Variants in CSMD1 observed in about 807,000 individuals in gnomAD.
CSMD1 encodes CUB and sushi domain-containing protein 1.
A neutral mutation model predicts 417.5 loss-of-function variants in CSMD1; 213 were observed. The ratio of observed to expected loss-of-function variants is 0.51; its 90% confidence interval spans 0.46 to 0.57. The LOEUF (loss-of-function observed/expected upper bound fraction) is 0.57. Among genes scored for constraint, CSMD1 ranks in the 20% least tolerant of loss-of-function variants. The pLI, the probability that CSMD1 is intolerant of heterozygous loss-of-function variation, is 0.00. For missense variants in CSMD1, 6,923 were observed against 4,529.7 expected (o/e 1.53, Z -15.17); for synonymous variants, 2,862 against 1,736.8 (o/e 1.65, Z -16.11).
intron 2 of CSMD1, among the ~76,000 whole-genome samples, chr8:4,461,230 C>A (rs908501371): frequency 6.6e-6 from 1 of 151,908 alleles, no homozygotes; most frequent in Non-Finnish European, 1.5e-5. Flanking sequence ...TGGGGAATTT[C>A]TTCAACCTGA....
chr8:4,833,831 G>C (rs183749537), intron 1 of CSMD1, among the ~76,000 whole-genome samples: 1 of 152,184 alleles, frequency 6.6e-6, no homozygotes, highest in Non-Finnish European at 1.5e-5. Flanking sequence ...CCAATCAATT[G>C]CAAGTTGGCT....
chr8:3,822,979 G>A (rs1585048721), intron 5 of CSMD1, among the ~76,000 whole-genome samples: 3 of 152,054 alleles, frequency 2.0e-5, no homozygotes, highest in Admixed American at 6.6e-5. Context: ...TTAGTATATT[G>A]CCCAGGTTCC....
chr8:3,278,841 G>A (rs904986803), intron 26 of CSMD1: 1 of 152,200 alleles, frequency 6.6e-6, no homozygotes, highest in African/African-American at 2.4e-5. Flanking sequence ...TTCATGGCTG[G>A]ATTCGCCAGT....
chr8:3,208,132 A>G (rs1015734151), intron 30 of CSMD1, among the ~76,000 whole-genome samples: 1 of 152,250 alleles, frequency 6.6e-6, no homozygotes, highest in Non-Finnish European at 1.5e-5. Flanking sequence ...GTCACATACA[A>G]TTCAAACATA....
chr8:4,277,376 C>G (rs1177991845), intron 3 of CSMD1, among the ~76,000 whole-genome samples: 3 of 152,132 alleles, frequency 2.0e-5, no homozygotes, highest in Non-Finnish European at 4.4e-5. Flanking sequence ...ATCTCTGAAT[C>G]TGAAGGTGTC....
chr8:4,712,001 T>G (rs1808332562), intron 1 of CSMD1, among the ~76,000 whole-genome samples: 1 of 152,162 alleles, frequency 6.6e-6, no homozygotes, highest in African/African-American at 2.4e-5. Flanking sequence ...AATATGTGGC[T>G]TCCTAAGAGT....
intron 2 of CSMD1, among the ~76,000 whole-genome samples, chr8:4,578,416 T>C (rs933243163): frequency 6.8e-6 from 1 of 147,234 alleles, no homozygotes; most frequent in Non-Finnish European, 1.5e-5. Flanking sequence ...CCTGATCTCA[T>C]GATTCGCCCA....
chr8:3,616,664 G>C lies in CSMD1; in HGVS notation c.1097+46C>G, dbSNP rs372735626. On this transcript the variant is annotated intron_variant, in intron 8 of 69. Coordinates refer to ENST00000635120, the MANE Select transcript of CSMD1 (RefSeq NM_033225.6). The stretch of plus-strand genomic sequence containing the variant: ...TTAACTGCAAGCTGAAATAATATAT[G>C]TCTTAAAAATAACATGCTTTTTTCC... 138 of 1,213,926 alleles carry C rather than the reference G, an allele frequency of 1.1e-4. No homozygotes were observed. The African/African-American group carries it at 1.8e-3, about 16-fold the overall frequency. 75.2% of individuals were successfully genotyped at this position (1,213,926 alleles called of 1,614,324 possible).
chr8:3,083,934 G>C (rs1277345070), intron 49 of CSMD1, among the ~76,000 whole-genome samples: 1 of 151,758 alleles, frequency 6.6e-6, no homozygotes, highest in Non-Finnish European at 1.5e-5. Context: ...AAGATGCTTG[G>C]AATACAGGTG....
intron 50 of CSMD1, among the ~76,000 whole-genome samples, chr8:3,033,599 G>A (rs1243997911): frequency 6.6e-6 from 1 of 151,880 alleles, no homozygotes; most frequent in Non-Finnish European, 1.5e-5. Flanking sequence ...GGGCCTGTCG[G>A]GAGGTAAGGG....
intron 26 of CSMD1, among the ~76,000 whole-genome samples, chr8:3,252,680 C>T (rs1243982893): frequency 6.6e-6 from 1 of 152,138 alleles, no homozygotes; most frequent in Non-Finnish European, 1.5e-5. Context: ...GGCTGTGAAT[C>T]CATCTGGTCC....
intron 5 of CSMD1, among the ~76,000 whole-genome samples, chr8:3,882,482 G>T (rs761297739): frequency 6.6e-6 from 1 of 152,136 alleles, no homozygotes; most frequent in African/African-American, 2.4e-5. Flanking sequence ...GAATTATTTT[G>T]CAAAACTATT....
At chr8:4,376,805 T>A (rs1802777265) in intron 3 of CSMD1, among the ~76,000 whole-genome samples, 1 of 152,272 alleles carries the variant, frequency 6.6e-6, no homozygotes, top group South Asian at 2.1e-4. Flanking sequence ...GTCCGACCTC[T>A]ACTTTCATGT....
intron 69 of CSMD1, among the ~76,000 whole-genome samples, chr8:2,939,273 C>T (rs967317023): frequency 6.6e-6 from 1 of 152,210 alleles, no homozygotes; most frequent in Non-Finnish European, 1.5e-5. Flanking sequence ...TGGGCATATG[C>T]CTAGCCTTTA....
intron 16 of CSMD1, among the ~76,000 whole-genome samples, chr8:3,396,784 T>A (rs1203056191): frequency 1.3e-5 from 2 of 152,122 alleles, no homozygotes; most frequent in African/African-American, 4.8e-5. Flanking sequence ...CTATTTAACA[T>A]AATTATAGAC....
intron 7 of CSMD1, among the ~76,000 whole-genome samples, chr8:3,673,521 A>T (rs1175375646): frequency 6.6e-6 from 1 of 152,200 alleles, no homozygotes; most frequent in Non-Finnish European, 1.5e-5. Flanking sequence ...ATTTTACAGG[A>T]GAAAGTGTTT....
At chr8:4,303,039 G>A (rs1195188252) in intron 3 of CSMD1, among the ~76,000 whole-genome samples, 3 of 152,044 alleles carry the variant, frequency 2.0e-5, no homozygotes, top group South Asian at 2.1e-4. Flanking sequence ...TGTGTTTAGG[G>A]AAAACACATA....
intron 26 of CSMD1, among the ~76,000 whole-genome samples, chr8:3,260,890 G>A (rs1801009473): frequency 6.6e-6 from 1 of 152,140 alleles, no homozygotes; most frequent in Admixed American, 6.5e-5. Flanking sequence ...ATGCTTGAAA[G>A]CCACGTATCT....
At chr8:3,738,549 C>A (rs577618481) in intron 6 of CSMD1, among the ~76,000 whole-genome samples, 1 of 152,176 alleles carries the variant, frequency 6.6e-6, no homozygotes, top group Non-Finnish European at 1.5e-5. Context: ...AACATGAATG[C>A]CCTTCCCTTT....
Sources: allele counts gnomAD v4.1 joint callset (sites outside exome capture counted in the v4.1 genomes callset), GRCh38; gene constraint gnomAD v4.1.1; transcripts MANE v1.5; gene names NCBI Gene and HGNC (gene_info 2026-07-23, HGNC 2026-07-21).